SNTG2: variants seen among roughly 807,000 people sequenced by gnomAD.
SNTG2 encodes gamma-2-syntrophin.
SNTG2 carries 74 observed loss-of-function variants against 70.9 expected under a neutral mutation model. The ratio of observed to expected loss-of-function variants is 1.04; its 90% CI spans 0.86 to 1.27. SNTG2 has a LOEUF of 1.27. Ranked by LOEUF, SNTG2 falls within the 50% of genes most tolerant of loss-of-function variation. The pLI is 0.00. For synonymous variants in SNTG2, 278 were observed against 273.8 expected, an observed-to-expected ratio of 1.02 and a Z score of -0.15; for missense variants, 717 against 690.7, an observed-to-expected ratio of 1.04 and a Z score of -0.43.
At chr2:1,336,228 T>A (rs1436254085) in intron 16 of SNTG2, among the ~76,000 whole-genome samples, 5 of 152,174 alleles carry the variant, frequency 3.3e-5, no homozygotes, top group Non-Finnish European at 7.4e-5. Flanking sequence ...ACACTGAACA[T>A]TTGTTTCATA....
rs200707065 is a variant in SNTG2 at position 1,202,687 on chromosome 2, TTAAATA to T, written c.592-6411_592-6406del. Among the ~76,000 whole-genome samples, 29 of 152,140 alleles carry T rather than the reference TTAAATA, an allele frequency of 1.9e-4. No homozygotes were observed. In the East Asian group the frequency reaches 4.4e-3, roughly 23 times the overall value. On this transcript the variant is annotated intron_variant, in intron 8 of 16. Coordinates refer to ENST00000308624, the MANE Select transcript of SNTG2 (RefSeq NM_018968.4). ...GTATGGTGTATACAGAAAATATAATTTAAATATAAAGATACCCACAGGTGGGAATTA... is the reference window on the plus strand; with the variant it reads ...GTATGGTGTATACAGAAAATATAATTTAAAGATACCCACAGGTGGGAATTA...
chr2:1,099,482 C>T (rs1449893319), intron 4 of SNTG2, among the ~76,000 whole-genome samples: 2 of 152,040 alleles, frequency 1.3e-5, no homozygotes, highest in East Asian at 1.9e-4. Flanking sequence ...ACTCATTTCA[C>T]CCAATTTTAC....
intron 1 of SNTG2, among the ~76,000 whole-genome samples, chr2:1,028,250 C>T (rs1660603133): frequency 2.7e-5 from 4 of 149,310 alleles, no homozygotes; most frequent in Admixed American, 2.6e-4. Context: ...TGCGTCTGAC[C>T]CACAGACACT....
At chr2:1,310,202 T>C (rs1324753593) in intron 15 of SNTG2, among the ~76,000 whole-genome samples, 2 of 152,168 alleles carry the variant, frequency 1.3e-5, no homozygotes, top group African/African-American at 2.4e-5. Flanking sequence ...GTCCTGTGTG[T>C]CCCTCCACTG....
intron 14 of SNTG2, among the ~76,000 whole-genome samples, chr2:1,270,441 A>G (rs1678961078): frequency 6.6e-6 from 1 of 152,224 alleles, no homozygotes; most frequent in Admixed American, 6.5e-5. Context: ...AACTTTTTTA[A>G]TACATCTAAG....
Position 1,170,633 on chromosome 2 carries a change from A to G in SNTG2, c.500-2459A>G, listed in dbSNP as rs569917423. On this transcript the variant is annotated intron_variant, in intron 7 of 16. Transcript: ENST00000308624. Reference sequence around the variant, plus strand: ...AGTGTAGTTTCAGAGTCCGCCCCCAATGTCGCGGGCATCGGTGCTGCATTC... The same window carrying G: ...AGTGTAGTTTCAGAGTCCGCCCCCAGTGTCGCGGGCATCGGTGCTGCATTC... Among the ~76,000 whole-genome samples, 22 of 148,482 alleles carry G rather than the reference A, an allele frequency of 1.5e-4. No individual in the cohort carries two copies. In the South Asian group the frequency reaches 2.2e-3, roughly 15 times the overall value.
Position 1,259,456 on chromosome 2 carries a change from C to G in SNTG2, c.1077+15C>G. 2 of 1,605,838 alleles carry G rather than the reference C, an allele frequency of 1.2e-6. No individual in the cohort carries two copies. The highest frequency in any genetic ancestry group is 2.7e-5 in the African/African-American group (2 of 74,888). ...AAGTTCACAAGGTAGGTATCTTTTGCACTTCAGATGCTTTCATACAAATAA... is the reference window on the plus strand; with the variant it reads ...AAGTTCACAAGGTAGGTATCTTTTGGACTTCAGATGCTTTCATACAAATAA... On this transcript the variant is annotated intron_variant, in intron 13 of 16. Coordinates refer to ENST00000308624, the MANE Select transcript of SNTG2 (RefSeq NM_018968.4).
intron 1 of SNTG2, among the ~76,000 whole-genome samples, chr2:995,429 G>A (rs1661645998): frequency 6.6e-6 from 1 of 152,092 alleles, no homozygotes. Flanking sequence ...CTTAAATATG[G>A]TGTATAATTT....
At chr2:1,238,866 C>T (rs35753562) in intron 10 of SNTG2, among the ~76,000 whole-genome samples, 32,482 of 152,214 alleles carry the variant, frequency 0.21, 5,383 homozygotes, top group African/African-American at 0.46. Flanking sequence ...CAGATGCACC[C>T]GCCCTGCCCC....
intron 1 of SNTG2, among the ~76,000 whole-genome samples, chr2:1,017,372 C>T (rs2148004201): frequency 6.6e-6 from 1 of 152,310 alleles, no homozygotes; most frequent in Non-Finnish European, 1.5e-5. Context: ...CACATGCAGA[C>T]ACACGTATAC....
At chr2:1,250,578 C>T (rs924468926) in intron 12 of SNTG2, among the ~76,000 whole-genome samples, 4 of 151,352 alleles carry the variant, frequency 2.6e-5, no homozygotes, top group African/African-American at 7.2e-5. Flanking sequence ...CTCCATCTGT[C>T]TTTGTCTTTG....
intron 8 of SNTG2, among the ~76,000 whole-genome samples, chr2:1,207,648 C>T (rs1404312112): frequency 1.3e-5 from 2 of 152,174 alleles, no homozygotes; most frequent in Non-Finnish European, 2.9e-5. Context: ...TTCTGTTAAG[C>T]GTAAGCATTG....
At chr2:1,206,572 T>G (rs752108490) in intron 8 of SNTG2, among the ~76,000 whole-genome samples, 7 of 152,098 alleles carry the variant, frequency 4.6e-5, no homozygotes, top group Non-Finnish European at 1.0e-4. Context: ...TAGAAAATAT[T>G]TTCTCCAGAT....
chr2:1,164,438 C>A lies in SNTG2; in HGVS notation c.412-1110C>A, dbSNP rs113472629. On this transcript the variant is annotated intron_variant, in intron 6 of 16. Coordinates refer to ENST00000308624, the MANE Select transcript of SNTG2 (RefSeq NM_018968.4). ...GAGTATGAAGTGAGGTAGGAACCTG[C>A]CCAAACTGTGGGCAGTCTCTGTGTA... 9.5e-3 allele frequency among the ~76,000 whole-genome samples: 1,126 copies of A among 118,960 alleles called. 21 individuals carry two copies. The highest frequency in any genetic ancestry group is 0.036 in the African/African-American group (1,031 of 28,288). 78.0% of individuals were successfully genotyped at this position (118,960 alleles called of 152,430 possible).
intron 1 of SNTG2, among the ~76,000 whole-genome samples, chr2:1,035,823 C>T (rs1322827657): frequency 6.6e-6 from 1 of 152,098 alleles, no homozygotes; most frequent in Non-Finnish European, 1.5e-5. Flanking sequence ...ATTTTGTCTG[C>T]ACATCTTATC....
At chr2:1,314,775 C>T (rs2148260980) in intron 15 of SNTG2, among the ~76,000 whole-genome samples, 1 of 152,240 alleles carries the variant, frequency 6.6e-6, no homozygotes, top group Admixed American at 6.5e-5. Context: ...GCTGGGGAGG[C>T]CTCACAATCA....
At chr2:983,291 T>TGA (rs1661190497) in intron 1 of SNTG2, among the ~76,000 whole-genome samples, 10 of 78,712 alleles carry the variant, frequency 1.3e-4, no homozygotes, top group Non-Finnish European at 2.0e-4. Flanking sequence ...CTCTCTTCCA[T>TGA]AGAAGCTGCG....
intron 1 of SNTG2, among the ~76,000 whole-genome samples, chr2:999,990 A>G (rs938248354): frequency 1.1e-4 from 17 of 151,952 alleles, no homozygotes; most frequent in Admixed American, 1.0e-3. Flanking sequence ...TCCCCAAACT[A>G]TACAAATATA....
chr2:1,271,688 CA>C (rs1679027075), intron 14 of SNTG2, among the ~76,000 whole-genome samples: 1 of 152,138 alleles, frequency 6.6e-6, no homozygotes, highest in Non-Finnish European at 1.5e-5. Context: ...CTTGTGGAAG[CA>C]ACAAGCATTC....
Sources: allele counts gnomAD v4.1 joint callset (sites outside exome capture counted in the v4.1 genomes callset), GRCh38; gene constraint gnomAD v4.1.1; transcripts MANE v1.5; gene names NCBI Gene and HGNC (gene_info 2026-07-23, HGNC 2026-07-21).